Variants in ZPBP observed in about 807,000 individuals in gnomAD.
ZPBP encodes the protein zona pellucida binding protein.
A neutral mutation model predicts 44.8 loss-of-function variants in ZPBP; 26 were observed. That is an observed-to-expected ratio of 0.58 (90% CI 0.43 to 0.81). The LOEUF is 0.81. Ranked by LOEUF, ZPBP falls within the 30% of genes least tolerant of loss-of-function variation. ZPBP has a pLI of 0.00. For missense variants in ZPBP, 409 were observed against 434.0 expected (o/e 0.94, Z 0.51); for synonymous variants, 174 against 153.2 (o/e 1.14, Z -1.00).
chr7:49,935,179 TA>T (rs1393462728), downstream of ZPBP, among the ~76,000 whole-genome samples: 1 of 152,244 alleles, frequency 6.6e-6, no homozygotes, highest in Admixed American at 6.5e-5. Flanking sequence ...TTCATTAATT[TA>T]AAAAATTATT....
chr7:50,073,164 A>G (rs146963850), intron 3 of ZPBP, among the ~76,000 whole-genome samples: 1 of 152,284 alleles, frequency 6.6e-6, no homozygotes, highest in East Asian at 1.9e-4. Context: ...AATTCAAGAT[A>G]GTACAGAGAA....
At chr7:50,036,789 A>C (rs1421984379) in intron 4 of ZPBP, among the ~76,000 whole-genome samples, 1 of 152,080 alleles carries the variant, frequency 6.6e-6, no homozygotes, top group Non-Finnish European at 1.5e-5. Context: ...AAAATAAGTG[A>C]GCTAACTGTA....
At position 49,851,539 on chromosome 7, in the gene ZPBP, A is replaced by G. The variant is rs565101760; in HGVS notation, n.510-1025T>C. On this transcript the variant is annotated intron_variant and non_coding_transcript_variant, in intron 2 of 2. Transcript: ENST00000465922. ...CACAGTGTGTGAGTGAACAGAGTCC[A>G]GGCTCTGGGACCAACTCTGAAATAA... Among the ~76,000 whole-genome samples the G allele has an allele frequency of 1.8e-3, 277 of 152,332 alleles. 1 individual carries two copies. The highest frequency in any genetic ancestry group is 3.2e-3 in the Non-Finnish European group (216 of 68,032).
At chr7:49,898,497 T>C (rs1217314325) in intron 2 of ZPBP, among the ~76,000 whole-genome samples, 1 of 152,098 alleles carries the variant, frequency 6.6e-6, no homozygotes, top group African/African-American at 2.4e-5. Context: ...TTTTTATTAC[T>C]CCTTCACTTT....
intron 1 of ZPBP, chr7:49,919,176 TG>T (rs1174286575): frequency 1.3e-5 from 2 of 152,130 alleles, no homozygotes; most frequent in African/African-American, 4.8e-5. Context: ...TATTCTTCCC[TG>T]GGGAGCAGCT....
chr7:49,885,466 G>A, intron 2 of ZPBP, among the ~76,000 whole-genome samples: 1 of 152,090 alleles, frequency 6.6e-6, no homozygotes. Flanking sequence ...ATGTAAGATA[G>A]CAGATTAACT....
chr7:49,990,767 C>A (rs184552854), intron 6 of ZPBP, among the ~76,000 whole-genome samples: 1 of 152,196 alleles, frequency 6.6e-6, no homozygotes, highest in African/African-American at 2.4e-5. Flanking sequence ...ATCTGTCCTA[C>A]TGGCCATGCC....
At chr7:50,042,883 A>G (rs974924792) in intron 4 of ZPBP, among the ~76,000 whole-genome samples, 1 of 152,204 alleles carries the variant, frequency 6.6e-6, no homozygotes, top group African/African-American at 2.4e-5. Flanking sequence ...CAAATTGGAG[A>G]TTCAAGACCC....
rs554607178 is a variant in ZPBP, at chr7:49,877,482, ATATATAT to A, written n.509+23629_509+23635del. Among the ~76,000 whole-genome samples the A allele has an allele frequency of 5.2e-3, 106 of 20,336 alleles. 9 individuals carry two copies. Among genetic ancestry groups the A allele is most frequent in the East Asian group, 0.018 (9 of 490 alleles). The allele number at this position is 20,336 out of a possible 152,430, so 13.3% of individuals were successfully genotyped here. A position where few individuals can be genotyped will look rare whatever the true frequency, so the allele number is the denominator to read the frequency against. ...TGTCTCAAAAAAAAAAAAAAAAAAAATATATATATATATATATATATATATATATATA... is the reference window on the plus strand; with the variant it reads ...TGTCTCAAAAAAAAAAAAAAAAAAAAATATATATATATATATATATATATA... On this transcript the variant is annotated intron_variant and non_coding_transcript_variant, in intron 2 of 2. Coordinates refer to the ZPBP transcript ENST00000465922.
At chr7:50,066,253 C>A (rs1801496046) in intron 3 of ZPBP, among the ~76,000 whole-genome samples, 1 of 150,222 alleles carries the variant, frequency 6.7e-6, no homozygotes, top group Non-Finnish European at 1.5e-5. Context: ...GAGCTATAAG[C>A]TCTCTTTCTT....
intron 7 of ZPBP, among the ~76,000 whole-genome samples, chr7:49,953,811 T>G (rs1263125292): frequency 6.6e-6 from 1 of 152,026 alleles, no homozygotes; most frequent in Non-Finnish European, 1.5e-5. Context: ...TGAAAGAAAC[T>G]AAAGATGACC....
chr7:50,079,289 T>C (rs1341824641), intron 3 of ZPBP, among the ~76,000 whole-genome samples: 1 of 151,642 alleles, frequency 6.6e-6, no homozygotes, highest in East Asian at 1.9e-4. Flanking sequence ...ATGCTTTTGT[T>C]TTCCCATTTA....
chr7:50,027,933 C>T (rs1449227262), intron 5 of ZPBP, among the ~76,000 whole-genome samples: 1 of 151,774 alleles, frequency 6.6e-6, no homozygotes, highest in Non-Finnish European at 1.5e-5. Context: ...AACCTGCCAA[C>T]AAAGAAAAAA....
At chr7:49,849,026 C>G (rs1024123561), downstream of ZPBP, among the ~76,000 whole-genome samples, 3 of 152,186 alleles carry the variant, frequency 2.0e-5, no homozygotes, top group African/African-American at 7.2e-5. Context: ...CTCTATTTCT[C>G]TTTAGGTCCT....
chr7:50,005,823 ATGTGTGTGTGTGTGTGTGTG>A (rs71018444), intron 6 of ZPBP, among the ~76,000 whole-genome samples: 27 of 144,814 alleles, frequency 1.9e-4, no homozygotes, highest in Admixed American at 4.2e-4. Flanking sequence ...ATAACTATAT[ATGTGTGTGTGTGTGTGTGTG>A]TGTGTGTGTG....
chr7:50,070,360 T>C (rs1279416858), intron 3 of ZPBP, among the ~76,000 whole-genome samples: 1 of 152,202 alleles, frequency 6.6e-6, no homozygotes, highest in East Asian at 1.9e-4. Flanking sequence ...GGGCCCTTAC[T>C]CCTTACTTCA....
rs1562820285 is a variant in ZPBP, at chr7:49,981,622, T to TAA, written c.961+1719_961+1720insTT. Among the ~76,000 whole-genome samples the TAA allele has an allele frequency of 4.2e-4, 4 of 9,536 alleles. 1 individual carries two copies. Among genetic ancestry groups the TAA allele is most frequent in the African/African-American group, 2.0e-3 (4 of 2,004 alleles). The allele number at this position is 9,536 out of a possible 152,430, so 6.3% of individuals were successfully genotyped here. On this transcript the variant is annotated intron_variant, in intron 7 of 7. Transcript: ENST00000046087. Reference sequence around the variant, plus strand: ...ATATAAATTATATAATTATATTATATTATATTATATTATATATTATATAAT... The same window carrying TAA: ...ATATAAATTATATAATTATATTATATAATATATTATATTATATATTATATAAT...
chr7:49,861,375 A>G (rs950533059), intron 2 of ZPBP, among the ~76,000 whole-genome samples: 15 of 152,074 alleles, frequency 9.9e-5, no homozygotes, highest in African/African-American at 3.1e-4. Flanking sequence ...AGACTTTTTT[A>G]TATTTTGAAT....
At chr7:50,072,937 A>C (rs1801918231) in intron 3 of ZPBP, among the ~76,000 whole-genome samples, 1 of 152,178 alleles carries the variant, frequency 6.6e-6, no homozygotes, top group South Asian at 2.1e-4. Flanking sequence ...CCTTTCCAAG[A>C]AGAATGGCTA....
Sources: allele counts gnomAD v4.1 joint callset (sites outside exome capture counted in the v4.1 genomes callset), GRCh38; gene constraint gnomAD v4.1.1; transcripts MANE v1.5; gene names NCBI Gene and HGNC (gene_info 2026-07-23, HGNC 2026-07-21).